Variants in SPHK1 observed in about 807,000 individuals in gnomAD.
SPHK1 encodes sphingosine kinase 1, also known as SK 1.
SPHK1 carries 10 observed loss-of-function variants against 14.6 expected under a neutral mutation model. That is an observed-to-expected ratio of 0.68 (90% CI 0.42 to 1.16). The LOEUF (loss-of-function observed/expected upper bound fraction) is 1.16, where lower values mean the gene tolerates loss of function less well. Among genes scored for constraint, SPHK1 ranks in the 50% most tolerant of loss-of-function variants. SPHK1 has a pLI of 0.00. For missense variants in SPHK1, 553 were observed against 525.4 expected (o/e 1.05, Z -0.51); for synonymous variants, 274 against 224.0 (o/e 1.22, Z -1.99).
intron 1 of SPHK1, 103 bp downstream of exon 1, chr17:76,384,909 C>A: frequency 3.8e-6 from 2 of 521,926 alleles, no homozygotes; most frequent in Non-Finnish European, 6.5e-6. Context: ...CGAGAGCAGG[C>A]GGCAGCTGGT....
At position 76,386,171 on chromosome 17, in the gene SPHK1, C is replaced by G; in HGVS notation, c.163+34C>G. 1 of 1,588,678 alleles carries G rather than the reference C, an allele frequency of 6.3e-7. No homozygotes were observed. The highest frequency in any genetic ancestry group is 1.1e-5 in the South Asian group (1 of 90,442). On this transcript the variant is annotated intron_variant, in intron 3 of 5. Coordinates refer to ENST00000592299, the MANE Select transcript of SPHK1 (RefSeq NM_001142601.2). This position sits in a 1 kb window ranked among gnomAD's most constrained non-coding sequence, Gnocchi z 5.3. ...CTCTCGGAGGGGGTTTCGGGAGCATCCCCTGGCAGGGGACCCCCCCAGTCC... is the reference window on the plus strand; with the variant it reads ...CTCTCGGAGGGGGTTTCGGGAGCATGCCCTGGCAGGGGACCCCCCCAGTCC...
upstream of SPHK1, chr17:76,383,519 C>T: frequency 4.2e-6 from 1 of 240,710 alleles, no homozygotes; most frequent in Non-Finnish European, 8.4e-6. Context: ...CTTTAAGAAG[C>T]GATGAGAGAG....
At chr17:76,384,278 C>T (rs2071919771), upstream of SPHK1, 1 of 151,934 alleles carries the variant, frequency 6.6e-6, no homozygotes, top group Admixed American at 6.6e-5. Context: ...GCGCGGAGCC[C>T]GCGCCTCCGT....
upstream of SPHK1, chr17:76,384,107 G>A: frequency 3.6e-6 from 1 of 274,568 alleles, no homozygotes; most frequent in South Asian, 2.8e-5. Context: ...TGGCGTGCGG[G>A]CCTCGAATTT....
chr17:76,387,011 C>T lies in SPHK1; in HGVS notation c.580C>T (p.Leu194=). The change falls in exon 6 of 6, where the codon CTG becomes TTG. Residue 194 remains leucine, a synonymous_variant. Transcript: ENST00000592299. The surrounding 1 kb of genome is among the most constrained non-coding windows in gnomAD (Gnocchi z 4.1). ...YRRLGEMRFT[L]GTFLRLAALR... The stretch of plus-strand genomic sequence containing the variant: ...GCGTCTGGGGGAGATGCGCTTCACT[C>T]TGGGCACCTTCCTGCGTCTGGCAGC... 1 of 1,613,668 alleles carries T rather than the reference C, an allele frequency of 6.2e-7. No individual in the cohort carries two copies. Among genetic ancestry groups the T allele is most frequent in the Non-Finnish European group, 8.5e-7 (1 of 1,180,006 alleles).
chr17:76,384,970 C>T, intron 1 of SPHK1, 164 bp downstream of exon 1: 1 of 1,020,964 alleles, frequency 9.8e-7, no homozygotes, highest in Non-Finnish European at 1.4e-6. Context: ...CTCCCACGAG[C>T]GCCGCGCGCG....
At chr17:76,383,630 A>C, upstream of SPHK1, 1 of 333,014 alleles carries the variant, frequency 3.0e-6, no homozygotes, top group South Asian at 2.1e-5. Flanking sequence ...GCAGGTCACC[A>C]ATGGGCCTTG....
upstream of SPHK1, chr17:76,384,077 G>A: frequency 6.8e-6 from 2 of 292,974 alleles, no homozygotes; most frequent in Non-Finnish European, 1.3e-5. Flanking sequence ...AGACGCCCCG[G>A]CCTGGAGAGG....
In SPHK1 at chr17:76,387,060, T is replaced by G. The variant is rs761120935; in HGVS notation, c.629T>G (p.Leu210Arg). 26 of 1,613,400 alleles carry G rather than the reference T, an allele frequency of 1.6e-5. No homozygotes were observed. Among genetic ancestry groups the G allele is most frequent in the South Asian group, 3.3e-5 (3 of 91,088 alleles). The change falls in exon 6 of 6, where the codon CTG (leucine) becomes CGG (arginine). Residue 210 changes from leucine to arginine, a missense_variant. Leu to Arg is a moderately radical substitution (Grantham distance 102). Coordinates refer to ENST00000592299, the MANE Select transcript of SPHK1 (RefSeq NM_001142601.2). The surrounding 1 kb of genome is among the most constrained non-coding windows in gnomAD (Gnocchi z 4.1). ...GCCCTGCGCACCTACCGCGGCCGAC[T>G]GGCCTACCTCCCTGTAGGAAGAGTG... ...LAALRTYRGR[L>R]AYLPVGRVGS...
rs56104262 is a variant in SPHK1 at position 76,387,053 on chromosome 17, G to A, written c.622G>A (p.Gly208Ser). ...TCTGGCAGCCCTGCGCACCTACCGC[G>A]GCCGACTGGCCTACCTCCCTGTAGG... The part of the protein sequence containing the change: ...LRLAALRTYR[G>S]RLAYLPVGRV... The change falls in exon 6 of 6, where the codon GGC becomes AGC. Residue 208 changes from glycine to serine, a missense_variant. Transcript: ENST00000592299. This position sits in a 1 kb window ranked among gnomAD's most constrained non-coding sequence, Gnocchi z 4.1. 13 of 1,613,402 alleles carry A rather than the reference G, an allele frequency of 8.1e-6. No homozygotes were observed. The highest frequency in any genetic ancestry group is 2.7e-5 in the African/African-American group (2 of 74,932).
chr17:76,386,867 C>T lies in SPHK1; in HGVS notation c.436C>T (p.Leu146=). ...CTGCACGCTATTGCTGTGCCGCCGGCTGCTGTCACCCATGAACCTGCTGTC... is the reference window on the plus strand; with the variant it reads ...CTGCACGCTATTGCTGTGCCGCCGGTTGCTGTCACCCATGAACCTGCTGTC... ...TNCTLLLCRR[L]LSPMNLLSLH... is the part of the protein sequence containing the mutation. Residue 146 remains leucine (L), a synonymous_variant, in exon 6 of 6, where the codon CTG becomes TTG. Coordinates refer to ENST00000592299, the MANE Select transcript of SPHK1 (RefSeq NM_001142601.2). The surrounding 1 kb of genome is among the most constrained non-coding windows in gnomAD (Gnocchi z 5.3). 1 of 1,602,680 alleles carries T rather than the reference C, an allele frequency of 6.2e-7. No individual in the cohort carries two copies. The highest frequency in any genetic ancestry group is 8.5e-7 in the Non-Finnish European group (1 of 1,173,036).
rs1026785280 is a variant in SPHK1 at position 76,385,478 on chromosome 17, G to C, written c.-167G>C. ...CCAGCCGCCGCAGGGAATGACGCCG[G>C]TGCTCCTGCAGCCACGGCTCCGGGC... is the stretch of plus-strand genomic sequence containing the variant. On this transcript the variant is annotated 5_prime_UTR_variant, in exon 2 of 6. Transcript: ENST00000592299. The surrounding 1 kb of genome is among the most constrained non-coding windows in gnomAD (Gnocchi z 5.3). 2 of 1,560,218 alleles carry C rather than the reference G, an allele frequency of 1.3e-6. No individual in the cohort carries two copies. Among genetic ancestry groups the C allele is most frequent in the Admixed American group, 1.8e-5 (1 of 55,398 alleles).
rs140814151 is a variant in SPHK1 at position 76,386,280 on chromosome 17, C to T, written c.223C>T (p.Leu75=). 1 of 1,600,790 alleles carries T rather than the reference C, an allele frequency of 6.2e-7. No individual in the cohort carries two copies. Among genetic ancestry groups the T allele is most frequent in the South Asian group, 1.1e-5 (1 of 90,674 alleles). ...GGAGGAGCTGGGCCGCTGGGACGCT[C>T]TGGTGGTCATGTCTGGAGACGGGCT... is the stretch of plus-strand genomic sequence containing the variant. ...RSEELGRWDA[L]VVMSGDGLMH... The change falls in exon 4 of 6, where the codon CTG becomes TTG. Residue 75 remains leucine, a synonymous_variant. Transcript: ENST00000592299. This position sits in a 1 kb window ranked among gnomAD's most constrained non-coding sequence, Gnocchi z 5.3.
In SPHK1 at chr17:76,385,188, G is replaced by T; in HGVS notation, c.-194-263G>T. 2 of 1,574,490 alleles carry T rather than the reference G, an allele frequency of 1.3e-6. No individual in the cohort carries two copies. The highest frequency in any genetic ancestry group is 1.9e-5 in the Admixed American group (1 of 53,792). On this transcript the variant is annotated intron_variant, in intron 1 of 5. Coordinates refer to ENST00000592299, the MANE Select transcript of SPHK1 (RefSeq NM_001142601.2). The surrounding 1 kb of genome is among the most constrained non-coding windows in gnomAD (Gnocchi z 5.3). ...CCGAGGGGTGAGGAGCTAGTCCGTCGGAGGGAGCCACGGGGCTCTGACTCA... is the reference window on the plus strand; with the variant it reads ...CCGAGGGGTGAGGAGCTAGTCCGTCTGAGGGAGCCACGGGGCTCTGACTCA...
rs2071991856 is a variant in SPHK1, at chr17:76,386,779, G to A, written c.375-27G>A. The A allele has an allele frequency of 3.9e-6, 6 of 1,525,586 alleles. No homozygotes were observed. The highest frequency in any genetic ancestry group is 5.3e-6 in the Non-Finnish European group (6 of 1,137,284). 94.5% of individuals were successfully genotyped at this position (1,525,586 alleles called of 1,614,324 possible). On this transcript the variant is annotated intron_variant, in intron 5 of 5. Coordinates refer to ENST00000592299, the MANE Select transcript of SPHK1 (RefSeq NM_001142601.2). The surrounding 1 kb of genome is among the most constrained non-coding windows in gnomAD (Gnocchi z 5.3). ...GGGGATACATGGGGGCTCCTGTCCT[G>A]CCTTATCTGACTTTTTCCCCCTGCA...
In SPHK1 at chr17:76,386,799, C is replaced by T. The variant is rs376434067; in HGVS notation, c.375-7C>T. 1.3e-5 allele frequency: 20 copies of T among 1,530,204 alleles called. No homozygotes were observed. The highest frequency in any genetic ancestry group is 1.3e-4 in the South Asian group (10 of 77,394). 94.8% of individuals were successfully genotyped at this position (1,530,204 alleles called of 1,614,324 possible). A position where few individuals can be genotyped will look rare whatever the true frequency, so the allele number is the denominator to read the frequency against. On this transcript the variant is annotated splice_polypyrimidine_tract_variant and splice_region_variant and intron_variant, in intron 5 of 5. Coordinates refer to ENST00000592299, the MANE Select transcript of SPHK1 (RefSeq NM_001142601.2). The surrounding 1 kb of genome is among the most constrained non-coding windows in gnomAD (Gnocchi z 5.3). ...GTCCTGCCTTATCTGACTTTTTCCC[C>T]CTGCAGCTATGAGCAGGTCACCAAT... is the stretch of plus-strand genomic sequence containing the variant.
chr17:76,386,821 C>T lies in SPHK1; in HGVS notation c.390C>T (p.Thr130=). 1 of 1,554,748 alleles carries T rather than the reference C, an allele frequency of 6.4e-7. No individual in the cohort carries two copies. The highest frequency in any genetic ancestry group is 8.7e-7 in the Non-Finnish European group (1 of 1,148,230). The change falls in exon 6 of 6, where the codon ACC becomes ACT. Residue 130 remains threonine (T), a synonymous_variant. Coordinates refer to ENST00000592299, the MANE Select transcript of SPHK1 (RefSeq NM_001142601.2). This position sits in a 1 kb window ranked among gnomAD's most constrained non-coding sequence, Gnocchi z 5.3. Reference sequence around the variant, plus strand: ...CCCCCTGCAGCTATGAGCAGGTCACCAATGAAGACCTCCTGACCAACTGCA... The same window carrying T: ...CCCCCTGCAGCTATGAGCAGGTCACTAATGAAGACCTCCTGACCAACTGCA... ...LNHYAGYEQV[T]NEDLLTNCTL... is the part of the protein sequence containing the mutation.
Position 76,385,336 on chromosome 17 carries a change from T to C in SPHK1, c.-194-115T>C, listed in dbSNP as rs1303505818. On this transcript the variant is annotated intron_variant, in intron 1 of 5. Transcript: ENST00000592299. The surrounding 1 kb of genome is among the most constrained non-coding windows in gnomAD (Gnocchi z 5.3). ...CCTCGGAGGCACCGGACCTCAGCTCTCTGGACTTCCCGGGAACCTGGCTCC... is the reference window on the plus strand; with the variant it reads ...CCTCGGAGGCACCGGACCTCAGCTCCCTGGACTTCCCGGGAACCTGGCTCC... 1 of 1,452,300 alleles carries C rather than the reference T, an allele frequency of 6.9e-7. No homozygotes were observed. The highest frequency in any genetic ancestry group is 9.1e-7 in the Non-Finnish European group (1 of 1,103,990). The allele number at this position is 1,452,300 out of a possible 1,614,324, so 90.0% of individuals were successfully genotyped here.
rs755503328 is a variant in SPHK1 at position 76,386,916 on chromosome 17, G to A, written c.485G>A (p.Arg162His). The A allele has an allele frequency of 8.7e-6, 14 of 1,612,748 alleles. No homozygotes were observed. Among genetic ancestry groups the A allele is most frequent in the East Asian group, 2.2e-5 (1 of 44,860 alleles). Residue 162 changes from arginine to histidine, a missense_variant, in exon 6 of 6, where the codon CGC becomes CAC. By Grantham distance (29) the Arg-to-His change is conservative. Coordinates refer to ENST00000592299, the MANE Select transcript of SPHK1 (RefSeq NM_001142601.2). This position sits in a 1 kb window ranked among gnomAD's most constrained non-coding sequence, Gnocchi z 5.3. ...LLSLHTASGL[R>H]LFSVLSLAWG... ...TCTCTGCACACGGCTTCGGGGCTGC[G>A]CCTCTTCTCTGTGCTCAGCCTGGCC...
Sources: gnomAD v4.1 joint callset for allele counts on GRCh38, gnomAD v4.1.1 for gene constraint, Gnocchi (gnomAD v3.1) non-coding constraint, MANE v1.5 for transcripts, NCBI Gene and HGNC (gene_info 2026-07-23, HGNC 2026-07-21) for gene names.